The following CDH12 variants were observed in gnomAD, a reference collection of about 807,000 sequenced individuals.
CDH12 encodes the protein cadherin 12, also known as cadherin-12.
Under a neutral mutation model 74.1 loss-of-function variants are expected in CDH12, and 41 were observed. The ratio of observed to expected loss-of-function variants is 0.55; its 90% confidence interval spans 0.43 to 0.72. CDH12 has a LOEUF of 0.72. Among genes scored for constraint, CDH12 ranks in the 30% least tolerant of loss-of-function variants. The probability of loss-of-function intolerance (pLI) is 0.00; values close to 1 mark genes in which losing one functional copy is unlikely to be tolerated. For synonymous variants in CDH12, 399 were observed against 355.0 expected (o/e 1.12, Z -1.39); for missense variants, 945 against 977.2 (o/e 0.97, Z 0.44).
At chr5:22,229,774 T>G (rs988401513) in intron 3 of CDH12, among the ~76,000 whole-genome samples, 19 of 152,198 alleles carry the variant, frequency 1.2e-4, no homozygotes, top group South Asian at 1.0e-3. Context: ...CAGTTTCTCC[T>G]GCACTCCGGA....
At chr5:22,832,310 A>G (rs1239930837) in intron 1 of CDH12, among the ~76,000 whole-genome samples, 1 of 152,210 alleles carries the variant, frequency 6.6e-6, no homozygotes, top group African/African-American at 2.4e-5. Context: ...TACATAAAGT[A>G]AACATATTAA....
In CDH12 at chr5:22,421,390, A is replaced by G. The variant is rs1156829775; in HGVS notation, c.-427-16039T>C. Among the ~76,000 whole-genome samples, 3 of 151,982 alleles carry G rather than the reference A, an allele frequency of 2.0e-5. No homozygotes were observed. The South Asian group carries it at 6.2e-4, about 31-fold the overall frequency. ...ATGTGATGTTCCCTTCCCTGTGTCC[A>G]TGTGTTCTCATTGTTCAACTCCCAC... On this transcript the variant is annotated intron_variant, in intron 2 of 14. Transcript: ENST00000382254.
chr5:22,005,988 C>G (rs1736934161), intron 5 of CDH12, among the ~76,000 whole-genome samples: 1 of 152,238 alleles, frequency 6.6e-6, no homozygotes, highest in Admixed American at 6.5e-5. Context: ...AGCTTTCTAT[C>G]CTCTTTCTAC....
chr5:22,850,866 C>A (rs1737520458), intron 1 of CDH12, among the ~76,000 whole-genome samples: 2 of 152,058 alleles, frequency 1.3e-5, no homozygotes, highest in Admixed American at 1.3e-4. Flanking sequence ...CCTATCATGG[C>A]AAGACTGATT....
At chr5:21,938,707 T>TTATATATATAATATACATATATATATA (rs1561313431) in intron 6 of CDH12, among the ~76,000 whole-genome samples, 6 of 132,932 alleles carry the variant, frequency 4.5e-5, no homozygotes, top group South Asian at 4.6e-4. Flanking sequence ...TTATAATATT[T>TTATATATATAATATACATATATATATA]TATATATATA....
intron 1 of CDH12, among the ~76,000 whole-genome samples, chr5:22,664,382 G>A (rs986239106): frequency 2.6e-5 from 4 of 152,194 alleles, no homozygotes; most frequent in Admixed American, 2.6e-4. Flanking sequence ...TTTTTCACAA[G>A]GCAGCAGGAA....
intron 4 of CDH12, among the ~76,000 whole-genome samples, chr5:22,150,434 A>G (rs1376832130): frequency 6.6e-6 from 1 of 152,028 alleles, no homozygotes; most frequent in Non-Finnish European, 1.5e-5. Context: ...CTCAATAACT[A>G]GCAATGAACA....
chr5:21,802,750 C>A (rs1160766391), intron 9 of CDH12, among the ~76,000 whole-genome samples: 1 of 151,822 alleles, frequency 6.6e-6, no homozygotes, highest in East Asian at 1.9e-4. Context: ...CGCCACCATG[C>A]CTGGCTAATT....
chr5:22,383,455 T>A (rs908725036), intron 3 of CDH12, among the ~76,000 whole-genome samples: 2 of 152,156 alleles, frequency 1.3e-5, no homozygotes, highest in Admixed American at 6.5e-5. Context: ...CTATTGCAGA[T>A]GTCATTTTTG....
chr5:22,128,417 T>G (rs988987653), intron 4 of CDH12, among the ~76,000 whole-genome samples: 2 of 152,036 alleles, frequency 1.3e-5, no homozygotes, highest in South Asian at 4.1e-4. Flanking sequence ...AGCTAGTTTT[T>G]TTTTTCTTTT....
In CDH12 at chr5:22,643,166, C is replaced by T. The variant is rs528989059; in HGVS notation, c.-522-137802G>A. ...CTGCAAATATTTAATAACATTAAGG[C>T]TTCGTGAAATAGATCTAGCATTTAA... On this transcript the variant is annotated intron_variant, in intron 1 of 14. Transcript: ENST00000382254. Among the ~76,000 whole-genome samples, 5 of 152,222 alleles carry T rather than the reference C, an allele frequency of 3.3e-5. No homozygotes were observed. The South Asian group carries it at 8.3e-4, about 25-fold the overall frequency.
At chr5:22,728,669 G>A (rs1245036093) in intron 1 of CDH12, among the ~76,000 whole-genome samples, 1 of 151,860 alleles carries the variant, frequency 6.6e-6, no homozygotes, top group East Asian at 1.9e-4. Flanking sequence ...GGATGCTGAA[G>A]TCTAAGATGC....
chr5:22,312,248 C>T (rs1201178141), intron 3 of CDH12, among the ~76,000 whole-genome samples: 2 of 151,818 alleles, frequency 1.3e-5, no homozygotes, highest in East Asian at 1.9e-4. Flanking sequence ...ATATTGAGTA[C>T]ATATTTTGCA....
chr5:21,947,742 G>A (rs544685547), intron 6 of CDH12, among the ~76,000 whole-genome samples: 5 of 152,142 alleles, frequency 3.3e-5, no homozygotes, highest in Non-Finnish European at 7.4e-5. Context: ...CAAGACAATG[G>A]CAAAATTTTT....
intron 1 of CDH12, among the ~76,000 whole-genome samples, chr5:22,704,969 T>A (rs926794298): frequency 6.6e-6 from 1 of 151,910 alleles, no homozygotes. Flanking sequence ...ATACAAAAAA[T>A]TCTAATTGAA....
intron 4 of CDH12, among the ~76,000 whole-genome samples, chr5:22,209,359 GT>G (rs1409666740): frequency 1.3e-5 from 2 of 152,138 alleles, no homozygotes; most frequent in South Asian, 4.1e-4. Flanking sequence ...ATGTAAGTCT[GT>G]TTTTTCTGAA....
intron 5 of CDH12, among the ~76,000 whole-genome samples, chr5:22,016,087 C>T (rs1737591372): frequency 6.6e-6 from 1 of 151,990 alleles, no homozygotes; most frequent in South Asian, 2.1e-4. Flanking sequence ...ATTAGCTAGA[C>T]TGAATTAGAT....
chr5:22,778,974 A>G (rs2126339403), intron 1 of CDH12, among the ~76,000 whole-genome samples: 1 of 152,322 alleles, frequency 6.6e-6, no homozygotes, highest in East Asian at 1.9e-4. Context: ...AGTAAAAGAT[A>G]TAAAGGCTGT....
intron 1 of CDH12, among the ~76,000 whole-genome samples, chr5:22,679,137 G>T (rs890176477): frequency 6.6e-6 from 1 of 151,972 alleles, no homozygotes; most frequent in Non-Finnish European, 1.5e-5. Flanking sequence ...AAAGCACATG[G>T]CCATCATTCA....
Sources: allele counts gnomAD v4.1 joint callset (sites outside exome capture counted in the v4.1 genomes callset), GRCh38; gene constraint gnomAD v4.1.1; transcripts MANE v1.5; gene names NCBI Gene and HGNC (gene_info 2026-07-23, HGNC 2026-07-21).